MAP4K5: variants seen among roughly 807,000 people sequenced by gnomAD.
MAP4K5 encodes mitogen-activated protein kinase kinase kinase kinase 5, also known as MAPK/ERK kinase kinase kinase 5.
In MAP4K5, 82 loss-of-function variants were observed where a neutral mutation model predicts 135.6. The observed-to-expected ratio is 0.60, with a 90% CI of 0.51 to 0.73. The LOEUF (loss-of-function observed/expected upper bound fraction) is 0.73, where lower values mean the gene tolerates loss of function less well. Ranked by LOEUF, MAP4K5 falls within the 30% of genes least tolerant of loss-of-function variation. The pLI is 0.00. For synonymous variants in MAP4K5, 347 were observed against 335.0 expected, an observed-to-expected ratio of 1.04 and a Z score of -0.39; for missense variants, 907 against 1,010.9, an observed-to-expected ratio of 0.90 and a Z score of 1.39.
At chr14:50,519,256 T>C (rs1422135780) in intron 2 of MAP4K5, among the ~76,000 whole-genome samples, 4 of 152,108 alleles carry the variant, frequency 2.6e-5, no homozygotes, top group Admixed American at 2.0e-4. Flanking sequence ...ATATCTATTC[T>C]ATGATTTATA....
At chr14:50,560,430 C>T (rs1488015623) in intron 1 of MAP4K5, 3 of 1,220,728 alleles carry the variant, frequency 2.5e-6, no homozygotes, top group African/African-American at 1.5e-5. Flanking sequence ...GGGCCGTAGC[C>T]GAGCCGCTCC....
At chr14:50,464,214 G>T in intron 11 of MAP4K5, 81 bp from the exon 12 acceptor site, 1 of 709,386 alleles carries the variant, frequency 1.4e-6, no homozygotes, top group Non-Finnish European at 2.4e-6. Context: ...CTTAGGAACA[G>T]TTAGTCTAAA....
At chr14:50,518,083 C>A (rs1232344674) in intron 2 of MAP4K5, among the ~76,000 whole-genome samples, 1 of 151,956 alleles carries the variant, frequency 6.6e-6, no homozygotes, top group South Asian at 2.1e-4. Context: ...GATTTTAGAT[C>A]CATATAAGAA....
chr14:50,462,046 A>G (rs1171228311), intron 13 of MAP4K5, among the ~76,000 whole-genome samples: 1 of 152,170 alleles, frequency 6.6e-6, no homozygotes, highest in East Asian at 1.9e-4. Context: ...AAAGGATAAC[A>G]TTTTCCAACA....
chr14:50,459,273 T>C (rs573100738), intron 13 of MAP4K5, among the ~76,000 whole-genome samples: 7 of 152,338 alleles, frequency 4.6e-5, no homozygotes, highest in African/African-American at 1.7e-4. Context: ...AGTGTTCCTA[T>C]CTTAGTAAAT....
At chr14:50,426,891 T>C (rs997612222) in intron 30 of MAP4K5, among the ~76,000 whole-genome samples, 6 of 152,184 alleles carry the variant, frequency 3.9e-5, no homozygotes, top group African/African-American at 7.2e-5. Context: ...TTAAAAGTGA[T>C]GGAGGAAAGT....
At chr14:50,485,916 T>C (rs2037353042) in intron 4 of MAP4K5, 188 bp downstream of exon 4, 8 of 539,138 alleles carry the variant, frequency 1.5e-5, no homozygotes, top group Middle Eastern at 4.7e-4. Flanking sequence ...GGTACAACTA[T>C]AAAAATGGGA....
chr14:50,543,035 CTG>C (rs929995005), intron 1 of MAP4K5, among the ~76,000 whole-genome samples: 1 of 152,198 alleles, frequency 6.6e-6, no homozygotes, highest in Non-Finnish European at 1.5e-5. Flanking sequence ...GTGAAAATAA[CTG>C]TGAACTACAA....
At chr14:50,426,190 A>G (rs2035842311) in intron 30 of MAP4K5, among the ~76,000 whole-genome samples, 1 of 152,210 alleles carries the variant, frequency 6.6e-6, no homozygotes, top group Non-Finnish European at 1.5e-5. Context: ...TCAAAGATAC[A>G]TATAAAAGCC....
At chr14:50,491,222 T>C (rs1194421907) in intron 3 of MAP4K5, among the ~76,000 whole-genome samples, 2 of 151,988 alleles carry the variant, frequency 1.3e-5, no homozygotes, top group Non-Finnish European at 2.9e-5. Flanking sequence ...CTTCCAAAAA[T>C]ATGACAGTAG....
intron 3 of MAP4K5, among the ~76,000 whole-genome samples, chr14:50,503,453 T>C (rs1300143199): frequency 2.0e-5 from 3 of 152,104 alleles, no homozygotes; most frequent in African/African-American, 7.2e-5. Context: ...TTATGATCCT[T>C]GCATTTAATC....
At chr14:50,508,605 C>T (rs975584373) in intron 2 of MAP4K5, among the ~76,000 whole-genome samples, 3 of 151,726 alleles carry the variant, frequency 2.0e-5, no homozygotes, top group East Asian at 3.9e-4. Context: ...TTAGGAGATA[C>T]ACCTAACGTA....
chr14:50,525,875 C>G (rs907927714), intron 2 of MAP4K5, among the ~76,000 whole-genome samples: 16 of 152,108 alleles, frequency 1.1e-4, no homozygotes, highest in Middle Eastern at 3.4e-3. Flanking sequence ...TGAAAAGGTC[C>G]AAATTCTTTG....
intron 3 of MAP4K5, among the ~76,000 whole-genome samples, chr14:50,490,119 G>C (rs1034011074): frequency 1.8e-5 from 2 of 111,228 alleles, no homozygotes; most frequent in Non-Finnish European, 3.7e-5. Flanking sequence ...GAGAGACAGA[G>C]AGCGAGTGAG....
chr14:50,496,590 C>T (rs2037599073), intron 3 of MAP4K5, among the ~76,000 whole-genome samples: 1 of 151,678 alleles, frequency 6.6e-6, no homozygotes, highest in African/African-American at 2.4e-5. Context: ...TTCATTGAAG[C>T]CTCAACCTCC....
chr14:50,431,184 G>A (rs891763188), intron 28 of MAP4K5, among the ~76,000 whole-genome samples: 1 of 152,090 alleles, frequency 6.6e-6, no homozygotes, highest in African/African-American at 2.4e-5. Flanking sequence ...TTATAAATGA[G>A]ATTCAACACA....
At chr14:50,460,903 C>T (rs1006777443) in intron 13 of MAP4K5, among the ~76,000 whole-genome samples, 20 of 152,172 alleles carry the variant, frequency 1.3e-4, no homozygotes, top group Admixed American at 2.0e-4. Context: ...TTTTGTCCCT[C>T]GTTTCCTCAT....
At chr14:50,474,625 G>A (rs1484299684) in intron 9 of MAP4K5, among the ~76,000 whole-genome samples, 36 of 152,068 alleles carry the variant, frequency 2.4e-4, no homozygotes, top group Non-Finnish European at 4.4e-5. Flanking sequence ...CAACCAGGAA[G>A]AAGAATCCTA....
intron 20 of MAP4K5, 120 bp downstream of exon 20, chr14:50,443,609 A>G: frequency 1.3e-6 from 1 of 786,746 alleles, no homozygotes; most frequent in Non-Finnish European, 1.9e-6. Context: ...AAATGCATTC[A>G]ATATCTTTGT....
Sources: gnomAD v4.1 joint callset for allele counts (sites outside exome capture counted in the v4.1 genomes callset) on GRCh38, gnomAD v4.1.1 for gene constraint, MANE v1.5 for transcripts, NCBI Gene and HGNC (gene_info 2026-07-23, HGNC 2026-07-21) for gene names.